ZNF462: variants seen among roughly 807,000 people sequenced by gnomAD.
The protein encoded by ZNF462 is zinc finger protein 462.
A neutral mutation model predicts 201.9 loss-of-function variants in ZNF462; 10 were observed. The ratio of observed to expected loss-of-function variants is 0.05; its 90% confidence interval spans 0.03 to 0.08. The LOEUF (loss-of-function observed/expected upper bound fraction) is 0.08. Ranked by LOEUF, ZNF462 falls within the 10% of genes least tolerant of loss-of-function variation. The pLI, the probability that ZNF462 is intolerant of heterozygous loss-of-function variation, is 1.00. For missense variants in ZNF462, 2,523 were observed against 3,168.3 expected (o/e 0.80, Z 4.89); for synonymous variants, 1,227 against 1,193.3 (o/e 1.03, Z -0.58).
chr9:106,974,331 C>G lies in ZNF462; in HGVS notation c.6832+58C>G, dbSNP rs752685020. The G allele has an allele frequency of 1.2e-6, 2 of 1,612,168 alleles. No individual in the cohort carries two copies. Among genetic ancestry groups the G allele is most frequent in the Admixed American group, 3.3e-5 (2 of 60,014 alleles). ...GCGGGGGGCAGGCAGCAGAGATGGC[C>G]TTCTAGGGATGCTCTCTCAGAGTGG... On this transcript the variant is annotated intron_variant, in intron 9 of 12. Coordinates refer to ENST00000277225, the MANE Select transcript of ZNF462 (RefSeq NM_021224.6). This position sits in a 1 kb window ranked among gnomAD's most constrained non-coding sequence, Gnocchi z 4.0.
chr9:106,936,187 G>A lies in ZNF462; in HGVS notation c.6235+566G>A, dbSNP rs1396917626. Among the ~76,000 whole-genome samples, 4 of 152,166 alleles carry A rather than the reference G, an allele frequency of 2.6e-5. No individual in the cohort carries two copies. In the East Asian group the frequency reaches 7.7e-4, roughly 29 times the overall value. On this transcript the variant is annotated intron_variant, in intron 6 of 12. Coordinates refer to ENST00000277225, the MANE Select transcript of ZNF462 (RefSeq NM_021224.6). Reference sequence around the variant, plus strand: ...TTAGAAAAAATTGGAAATGAAAGAAGAAATACAGTCAGTCATCTATAATCT... The same window carrying A: ...TTAGAAAAAATTGGAAATGAAAGAAAAAATACAGTCAGTCATCTATAATCT...
intron 1 of ZNF462, among the ~76,000 whole-genome samples, chr9:106,921,113 G>A (rs1465809639): frequency 6.6e-6 from 1 of 152,032 alleles, no homozygotes; most frequent in Non-Finnish European, 1.5e-5. Flanking sequence ...AAGCAGAGTC[G>A]GATGGTATGT....
intron 1 of ZNF462, among the ~76,000 whole-genome samples, chr9:106,900,209 T>C (rs1472537605): frequency 2.3e-4 from 13 of 55,774 alleles, no homozygotes; most frequent in African/African-American, 1.3e-3. Flanking sequence ...CCATCGTGTG[T>C]GTGTGTGTGT....
At chr9:106,889,320 G>T (rs374534521) in intron 1 of ZNF462, among the ~76,000 whole-genome samples, 1 of 152,136 alleles carries the variant, frequency 6.6e-6, no homozygotes, top group African/African-American at 2.4e-5. Context: ...CGCTGTGCTC[G>T]GGTAGCTCAG....
At chr9:106,988,567 C>A (rs1256124451) in intron 10 of ZNF462, among the ~76,000 whole-genome samples, 2 of 152,118 alleles carry the variant, frequency 1.3e-5, no homozygotes, top group East Asian at 1.9e-4. Context: ...CTTTCTAATT[C>A]TGTGAAGCAT....
chr9:106,956,001 G>A (rs560213360), intron 7 of ZNF462, among the ~76,000 whole-genome samples: 13 of 152,146 alleles, frequency 8.5e-5, no homozygotes, highest in East Asian at 1.9e-4. Context: ...CAACTTCTTC[G>A]ACACTCCTGC....
chr9:106,883,675 A>G lies in ZNF462; in HGVS notation c.-31+20320A>G, dbSNP rs532147723. Among the ~76,000 whole-genome samples the G allele has an allele frequency of 1.6e-4, 25 of 152,366 alleles. No homozygotes were observed. The highest frequency in any genetic ancestry group is 6.0e-4 in the African/African-American group (25 of 41,598). On this transcript the variant is annotated intron_variant, in intron 1 of 12. Transcript: ENST00000277225. This position sits in a 1 kb window ranked among gnomAD's most constrained non-coding sequence, Gnocchi z 4.9. Reference sequence around the variant, plus strand: ...TTTTGTGTTATTATTTTTGTATTGTAAACAGGGGATTAGTAAATCTTTTCC... The same window carrying G: ...TTTTGTGTTATTATTTTTGTATTGTGAACAGGGGATTAGTAAATCTTTTCC...
In ZNF462 at chr9:106,963,588, A is replaced by T. The variant is rs908529212; in HGVS notation, c.6428-8417A>T. On this transcript the variant is annotated intron_variant, in intron 7 of 12. Coordinates refer to ENST00000277225, the MANE Select transcript of ZNF462 (RefSeq NM_021224.6). The surrounding 1 kb of genome is among the most constrained non-coding windows in gnomAD (Gnocchi z 4.7). ...CAATCTAATGGATATTTTCTTAAGT[A>T]CCATCATTAAGTATTTATGGTGATA... 6.6e-6 allele frequency among the ~76,000 whole-genome samples: 1 copy of T among 152,018 alleles called. No homozygotes were observed. The highest frequency in any genetic ancestry group is 2.4e-5 in the African/African-American group (1 of 41,392).
At chr9:106,878,492 G>A (rs1311939527) in intron 1 of ZNF462, among the ~76,000 whole-genome samples, 2 of 152,242 alleles carry the variant, frequency 1.3e-5, no homozygotes, top group South Asian at 2.1e-4. Flanking sequence ...GTGCCCATAC[G>A]TCTATTCATT....
chr9:107,000,399 T>C (rs1829096673), intron 10 of ZNF462, among the ~76,000 whole-genome samples: 1 of 151,972 alleles, frequency 6.6e-6, no homozygotes, highest in African/African-American at 2.4e-5. Flanking sequence ...GAGTAGGTGC[T>C]AGGAGACCAA....
intron 7 of ZNF462, among the ~76,000 whole-genome samples, chr9:106,948,867 T>C (rs574383118): frequency 3.3e-5 from 5 of 151,830 alleles, no homozygotes; most frequent in Non-Finnish European, 5.9e-5. Context: ...TAATAAATTA[T>C]ATGTATATTA....
In ZNF462 at chr9:106,865,177, T is replaced by C. The variant is rs1827277395; in HGVS notation, c.-31+1822T>C. Among the ~76,000 whole-genome samples, 1 of 152,210 alleles carries C rather than the reference T, an allele frequency of 6.6e-6. No individual in the cohort carries two copies. Among genetic ancestry groups the C allele is most frequent in the African/African-American group, 2.4e-5 (1 of 41,440 alleles). On this transcript the variant is annotated intron_variant, in intron 1 of 12. Transcript: ENST00000277225. The surrounding 1 kb of genome is among the most constrained non-coding windows in gnomAD (Gnocchi z 4.1). Reference sequence around the variant, plus strand: ...GTGCTTTCACAAGTTATTGAGGCGTTTGTTTCCATTTTAAAGTAAACTTTT... The same window carrying C: ...GTGCTTTCACAAGTTATTGAGGCGTCTGTTTCCATTTTAAAGTAAACTTTT...
intron 1 of ZNF462, among the ~76,000 whole-genome samples, chr9:106,889,681 C>G (rs1588005471): frequency 6.6e-6 from 1 of 152,138 alleles, no homozygotes; most frequent in South Asian, 2.1e-4. Flanking sequence ...TTGACTGCTT[C>G]CCAGGCTTTG....
rs1829986566 is a variant in ZNF462 at position 107,012,670 on chromosome 9, TGTGTGTGC to T, written c.*1641_*1648del. On this transcript the variant is annotated 3_prime_UTR_variant, in exon 13 of 13. Coordinates refer to ENST00000277225, the MANE Select transcript of ZNF462 (RefSeq NM_021224.6). ...GGATGTGTGTGTGCGTGTATGAGTG[TGTGTGTGC>T]ATGTGTGCACGTGTGAATCCTTTGG... The T allele has an allele frequency of 6.7e-6, 1 of 148,220 alleles. No homozygotes were observed. The highest frequency in any genetic ancestry group is 1.5e-5 in the Non-Finnish European group (1 of 67,212). 9.2% of individuals were successfully genotyped at this position (148,220 alleles called of 1,614,324 possible).
chr9:106,969,110 GA>G (rs1832212403), intron 7 of ZNF462, among the ~76,000 whole-genome samples: 2 of 152,128 alleles, frequency 1.3e-5, no homozygotes, highest in South Asian at 4.1e-4. Context: ...CAGCAGAAAG[GA>G]AAGTAAAGCC....
chr9:106,906,114 G>A (rs961335193), intron 1 of ZNF462, among the ~76,000 whole-genome samples: 15 of 152,156 alleles, frequency 9.9e-5, no homozygotes, highest in Non-Finnish European at 1.8e-4. Context: ...TCTCTAACTT[G>A]ACTCAGCTCC....
intron 6 of ZNF462, among the ~76,000 whole-genome samples, chr9:106,937,449 C>G (rs2131602162): frequency 6.6e-6 from 1 of 152,184 alleles, no homozygotes; most frequent in South Asian, 2.1e-4. Context: ...TTAGACCACA[C>G]CTCTGTTCAT....
At chr9:106,943,615 G>T (rs1830981119) in intron 7 of ZNF462, among the ~76,000 whole-genome samples, 1 of 152,084 alleles carries the variant, frequency 6.6e-6, no homozygotes, top group African/African-American at 2.4e-5. Flanking sequence ...TTCCTTTAAG[G>T]ATTGATTTTC....
chr9:106,911,951 A>G (rs1431377666), intron 1 of ZNF462, among the ~76,000 whole-genome samples: 1 of 152,238 alleles, frequency 6.6e-6, no homozygotes, highest in Non-Finnish European at 1.5e-5. Context: ...TTCAGAATGC[A>G]GTATATAATT....
Sources: allele counts gnomAD v4.1 joint callset (sites outside exome capture counted in the v4.1 genomes callset), GRCh38; gene constraint gnomAD v4.1.1; non-coding constraint Gnocchi (gnomAD v3.1); transcripts MANE v1.5; gene names NCBI Gene and HGNC (gene_info 2026-07-23, HGNC 2026-07-21).